Variants in THSD7B observed in about 807,000 individuals in gnomAD.
THSD7B encodes the protein thrombospondin type-1 domain-containing protein 7B.
A neutral mutation model predicts 213.6 loss-of-function variants in THSD7B; 138 were observed. The observed-to-expected ratio is 0.65, with a 90% CI of 0.56 to 0.74. The LOEUF is 0.74. Ranked by LOEUF, THSD7B falls within the 30% of genes least tolerant of loss-of-function variation. The pLI is 0.00. For synonymous variants in THSD7B, 742 were observed against 687.0 expected, an observed-to-expected ratio of 1.08 and a Z score of -1.25; for missense variants, 1,931 against 1,991.5, an observed-to-expected ratio of 0.97 and a Z score of 0.58.
intron 2 of THSD7B, among the ~76,000 whole-genome samples, chr2:136,992,999 G>A (rs1157829055): frequency 6.6e-6 from 1 of 152,248 alleles, no homozygotes; most frequent in Non-Finnish European, 1.5e-5. Context: ...ATCAAGAGAT[G>A]TTAGTTCCTT....
intron 3 of THSD7B, among the ~76,000 whole-genome samples, chr2:137,070,922 A>G (rs964626178): frequency 4.6e-5 from 7 of 151,978 alleles, no homozygotes; most frequent in African/African-American, 1.5e-4. Flanking sequence ...ATAGTATTCC[A>G]AAGTGTATAT....
At chr2:136,912,817 C>G (rs1684287663) in intron 2 of THSD7B, among the ~76,000 whole-genome samples, 1 of 152,180 alleles carries the variant, frequency 6.6e-6, no homozygotes, top group Admixed American at 6.5e-5. Flanking sequence ...TCATGTGGAA[C>G]AGTAAGTCCA....
At chr2:136,825,718 A>ATTTTTTTTTTTTTTGTTT (rs759978910) in intron 1 of THSD7B, among the ~76,000 whole-genome samples, 2 of 116,896 alleles carry the variant, frequency 1.7e-5, no homozygotes, top group Admixed American at 9.8e-5. Context: ...TGCCTGGCTA[A>ATTTTTTTTTTTTTTGTTT]TTTTTTTTTT....
chr2:136,921,094 C>T (rs559177010), intron 2 of THSD7B, among the ~76,000 whole-genome samples: 2 of 152,060 alleles, frequency 1.3e-5, no homozygotes, highest in African/African-American at 4.8e-5. Context: ...GCGGGGCTCT[C>T]ATCTGCTCCT....
At chr2:137,585,283 A>G (rs1377902269) in intron 17 of THSD7B, among the ~76,000 whole-genome samples, 2 of 151,986 alleles carry the variant, frequency 1.3e-5, no homozygotes, top group South Asian at 2.1e-4. Flanking sequence ...ATCTTTTCAA[A>G]AAAACCAGCT....
chr2:137,094,558 T>C (rs1573819370), intron 3 of THSD7B, among the ~76,000 whole-genome samples: 1 of 141,900 alleles, frequency 7.0e-6, no homozygotes, highest in Non-Finnish European at 1.6e-5. Context: ...ACTCCATCTC[T>C]AAAAAAAAAA....
chr2:137,406,283 T>C (rs1276731728), intron 13 of THSD7B, among the ~76,000 whole-genome samples: 1 of 152,254 alleles, frequency 6.6e-6, no homozygotes, highest in Non-Finnish European at 1.5e-5. Context: ...AAATTACATA[T>C]ACTCATTCTG....
At chr2:137,094,598 T>C (rs140764913) in intron 3 of THSD7B, among the ~76,000 whole-genome samples, 151 of 152,054 alleles carry the variant, frequency 9.9e-4, no homozygotes, top group African/African-American at 3.2e-3. Context: ...ACCCCCATTA[T>C]TTCTAATAAT....
chr2:137,186,297 T>G (rs1417888496), intron 7 of THSD7B, among the ~76,000 whole-genome samples: 1 of 152,198 alleles, frequency 6.6e-6, no homozygotes, highest in Non-Finnish European at 1.5e-5. Context: ...AGCCATAAAT[T>G]ATTTGCCAAA....
chr2:137,106,549 TGTA>T (rs2104930312), intron 4 of THSD7B, among the ~76,000 whole-genome samples: 1 of 152,318 alleles, frequency 6.6e-6, no homozygotes, highest in Admixed American at 6.5e-5. Flanking sequence ...ACAAATGGGA[TGTA>T]GTTAAGCTGA....
chr2:136,874,076 G>A (rs569948612), intron 1 of THSD7B, among the ~76,000 whole-genome samples: 2 of 152,298 alleles, frequency 1.3e-5, no homozygotes, highest in East Asian at 3.9e-4. Flanking sequence ...TTGTACAGAT[G>A]CTAAGAGAAC....
intron 10 of THSD7B, among the ~76,000 whole-genome samples, chr2:137,266,551 A>G (rs537197519): frequency 6.6e-6 from 1 of 152,344 alleles, no homozygotes; most frequent in African/African-American, 2.4e-5. Flanking sequence ...GTAAGCCTGG[A>G]ACAATACTGG....
intron 3 of THSD7B, among the ~76,000 whole-genome samples, chr2:137,064,073 C>T (rs888882068): frequency 4.0e-5 from 6 of 151,874 alleles, no homozygotes; most frequent in Non-Finnish European, 8.8e-5. Context: ...TTTAGTTTTT[C>T]GAGGAGCCTC....
At position 136,802,654 on chromosome 2, in the gene THSD7B, T is replaced by C. The variant is rs1439591957; in HGVS notation, c.-36+36967T>C. 6.1e-5 allele frequency among the ~76,000 whole-genome samples: 6 copies of C among 98,052 alleles called. 1 individual carries two copies. In the East Asian group the frequency reaches 1.9e-3, roughly 31 times the overall value. 64.3% of individuals were successfully genotyped at this position (98,052 alleles called of 152,430 possible). A position where few individuals can be genotyped will look rare whatever the true frequency, so the allele number is the denominator to read the frequency against. ...TGAATTAAGTTTATATATATATATA[T>C]ATATATATATATATATATATATATA... On this transcript the variant is annotated intron_variant, in intron 1 of 27. Coordinates refer to ENST00000409968, the MANE Select transcript of THSD7B (RefSeq NM_001316349.2).
intron 15 of THSD7B, among the ~76,000 whole-genome samples, chr2:137,472,675 T>C (rs1558807876): frequency 6.6e-6 from 1 of 152,164 alleles, no homozygotes; most frequent in African/African-American, 2.4e-5. Flanking sequence ...GGAGAAGTAT[T>C]ATAGTAGACC....
chr2:137,312,032 G>C (rs1363202602), intron 12 of THSD7B, among the ~76,000 whole-genome samples: 1 of 148,710 alleles, frequency 6.7e-6, no homozygotes, highest in Non-Finnish European at 1.5e-5. Flanking sequence ...AAATGAGTTA[G>C]GGAGAATTCC....
intron 1 of THSD7B, among the ~76,000 whole-genome samples, chr2:136,868,724 T>G (rs1385228580): frequency 6.6e-6 from 1 of 152,126 alleles, no homozygotes; most frequent in African/African-American, 2.4e-5. Flanking sequence ...CTCCTTAGAG[T>G]AACCGTTAAA....
intron 4 of THSD7B, among the ~76,000 whole-genome samples, chr2:137,100,933 A>G (rs1281873300): frequency 2.0e-5 from 3 of 152,176 alleles, no homozygotes; most frequent in Admixed American, 1.3e-4. Flanking sequence ...GGTTACTTCA[A>G]AAAAGGTGAG....
At chr2:137,213,387 A>C (rs923395216) in intron 7 of THSD7B, among the ~76,000 whole-genome samples, 33 of 147,608 alleles carry the variant, frequency 2.2e-4, no homozygotes, top group Admixed American at 1.6e-3. Context: ...ATATGTTATA[A>C]TATGTACTAT....
Sources: allele counts gnomAD v4.1 joint callset (sites outside exome capture counted in the v4.1 genomes callset), GRCh38; gene constraint gnomAD v4.1.1; transcripts MANE v1.5; gene names NCBI Gene and HGNC (gene_info 2026-07-23, HGNC 2026-07-21).